SYN2: variants seen among roughly 807,000 people sequenced by gnomAD.
SYN2 encodes the protein synapsin II, also known as synapsin-2.
A neutral mutation model predicts 50.9 loss-of-function variants in SYN2; 19 were observed. The ratio of observed to expected loss-of-function variants is 0.37; its 90% CI spans 0.26 to 0.55. SYN2 has a LOEUF of 0.55. Ranked by LOEUF, SYN2 falls within the 20% of genes least tolerant of loss-of-function variation. SYN2 has a pLI of 0.81. For synonymous variants in SYN2, 255 were observed against 224.9 expected (o/e 1.13, Z -1.20); for missense variants, 587 against 576.4 (o/e 1.02, Z -0.19).
At chr3:12,092,101 C>G (rs116639008) in intron 1 of SYN2, among the ~76,000 whole-genome samples, 2,263 of 148,742 alleles carry the variant, frequency 0.015, 48 homozygotes, top group African/African-American at 0.052. Context: ...GTTTTTCACC[C>G]AAATATGCTT....
intron 1 of SYN2, among the ~76,000 whole-genome samples, chr3:12,063,400 A>G (rs1259167570): frequency 6.6e-6 from 1 of 152,014 alleles, no homozygotes; most frequent in African/African-American, 2.4e-5. Context: ...ATCTAAACGT[A>G]AGAACTGTAG....
intron 1 of SYN2, among the ~76,000 whole-genome samples, chr3:12,029,857 A>T (rs1358730555): frequency 9.7e-6 from 1 of 102,582 alleles, no homozygotes; most frequent in Non-Finnish European, 1.8e-5. Flanking sequence ...TTCCTAATTG[A>T]ATACCCTTTA....
chr3:12,083,768 T>G (rs1241969866), intron 1 of SYN2, among the ~76,000 whole-genome samples: 1 of 152,160 alleles, frequency 6.6e-6, no homozygotes, highest in African/African-American at 2.4e-5. Flanking sequence ...ATCTGCTAGT[T>G]TTAATCTGTC....
At chr3:12,066,596 C>T (rs944712949) in intron 1 of SYN2, among the ~76,000 whole-genome samples, 7 of 152,094 alleles carry the variant, frequency 4.6e-5, no homozygotes, top group African/African-American at 1.7e-4. Context: ...AATAATTCAC[C>T]TTCCTTACCC....
chr3:12,027,054 A>G (rs1694277078), intron 1 of SYN2, among the ~76,000 whole-genome samples: 1 of 152,160 alleles, frequency 6.6e-6, no homozygotes, highest in Non-Finnish European at 1.5e-5. Flanking sequence ...GGCTCTGCTG[A>G]TAGGCAGCAA....
chr3:12,123,445 A>C (rs1046860982), intron 1 of SYN2, among the ~76,000 whole-genome samples: 2 of 152,164 alleles, frequency 1.3e-5, no homozygotes, highest in Non-Finnish European at 2.9e-5. Context: ...AACAATCTAG[A>C]ATTTTCTACT....
chr3:12,094,840 C>T (rs988957020), intron 1 of SYN2, among the ~76,000 whole-genome samples: 2 of 152,076 alleles, frequency 1.3e-5, no homozygotes, highest in Non-Finnish European at 2.9e-5. Flanking sequence ...ATATAATTCA[C>T]AGAGAATATG....
rs1697267187 is a variant in SYN2 at position 12,150,803 on chromosome 3, C to A, written c.685-434C>A. Among the ~76,000 whole-genome samples the A allele has an allele frequency of 3.3e-5, 5 of 152,156 alleles. No individual in the cohort carries two copies. In the South Asian group the frequency reaches 1.0e-3, roughly 32 times the overall value. ...ATCATTCCTTTGCCTGACGTTTGAA[C>A]TTCCAAGACTTGGCCCATGTCACCT... is the stretch of plus-strand genomic sequence containing the variant. On this transcript the variant is annotated intron_variant, in intron 4 of 12. Coordinates refer to ENST00000621198, the MANE Select transcript of SYN2 (RefSeq NM_133625.6).
intron 1 of SYN2, among the ~76,000 whole-genome samples, chr3:12,021,931 G>T (rs892755501): frequency 6.6e-6 from 1 of 152,024 alleles, no homozygotes; most frequent in Admixed American, 6.6e-5. Flanking sequence ...TCAGCTGAGT[G>T]TGGTGGTGTG....
intron 5 of SYN2, chr3:12,153,818 T>C: frequency 8.1e-7 from 1 of 1,236,542 alleles, no homozygotes; most frequent in Non-Finnish European, 1.2e-6. Flanking sequence ...AAATGCCCCC[T>C]ATCTTATCAA....
intron 1 of SYN2, among the ~76,000 whole-genome samples, chr3:12,023,376 A>T (rs1200975203): frequency 6.6e-6 from 1 of 150,380 alleles, no homozygotes. Flanking sequence ...CCCCACCCCC[A>T]AAGAAACAGT....
chr3:12,146,534 TATC>T (rs760198036), intron 4 of SYN2, among the ~76,000 whole-genome samples: 1 of 152,206 alleles, frequency 6.6e-6, no homozygotes, highest in Non-Finnish European at 1.5e-5. Flanking sequence ...ACAAGGAAGA[TATC>T]ATTATTGTCA....
intron 1 of SYN2, among the ~76,000 whole-genome samples, chr3:12,082,230 T>G (rs1364262640): frequency 1.3e-5 from 2 of 152,166 alleles, no homozygotes; most frequent in African/African-American, 4.8e-5. Context: ...GTGACAAGGG[T>G]GATATGTCTA....
chr3:12,158,777 G>A (rs775018501), intron 5 of SYN2: 15 of 1,604,504 alleles, frequency 9.3e-6, no homozygotes, highest in East Asian at 2.2e-5. Context: ...CCCGGGGGCC[G>A]CAGCAACGCC....
intron 1 of SYN2, among the ~76,000 whole-genome samples, chr3:12,110,262 T>G (rs1377966395): frequency 6.6e-6 from 1 of 152,208 alleles, no homozygotes; most frequent in African/African-American, 2.4e-5. Context: ...ATGTCTCACA[T>G]CCGGATCACA....
chr3:12,033,589 C>T (rs1196623963), intron 1 of SYN2, among the ~76,000 whole-genome samples: 3 of 152,190 alleles, frequency 2.0e-5, no homozygotes, highest in Admixed American at 6.5e-5. Flanking sequence ...AGTATATTCA[C>T]AAGATTATAT....
intron 9 of SYN2, 113 bp downstream of exon 9, chr3:12,168,591 T>C (rs932001673): frequency 1.1e-6 from 1 of 886,218 alleles, no homozygotes; most frequent in Non-Finnish European, 1.8e-6. Context: ...TCCAGCAAGA[T>C]CAGTGGGTAG....
intron 1 of SYN2, among the ~76,000 whole-genome samples, chr3:12,069,998 A>G (rs1695309215): frequency 6.6e-6 from 1 of 151,844 alleles, no homozygotes; most frequent in African/African-American, 2.4e-5. Flanking sequence ...GAGGTCTTGC[A>G]GTGTTGCCCA....
At chr3:12,126,182 A>G (rs1006121055) in intron 1 of SYN2, among the ~76,000 whole-genome samples, 3 of 152,238 alleles carry the variant, frequency 2.0e-5, no homozygotes, top group African/African-American at 7.2e-5. Context: ...AGTACTGTCA[A>G]GGTTTCTGCT....
Sources: allele counts gnomAD v4.1 joint callset (sites outside exome capture counted in the v4.1 genomes callset), GRCh38; gene constraint gnomAD v4.1.1; transcripts MANE v1.5; gene names NCBI Gene and HGNC (gene_info 2026-07-23, HGNC 2026-07-21).